PPIL2: variants seen among roughly 807,000 people sequenced by gnomAD.
PPIL2 encodes RING-type E3 ubiquitin-protein ligase PPIL2.
Under a neutral mutation model 75.2 loss-of-function variants are expected in PPIL2, and 50 were observed. That is an observed-to-expected ratio of 0.66 (90% CI 0.53 to 0.84). The LOEUF is 0.84. Among genes scored for constraint, PPIL2 ranks in the 40% least tolerant of loss-of-function variants. The probability of loss-of-function intolerance (pLI) is 0.00; values close to 1 mark genes in which losing one functional copy is unlikely to be tolerated. For missense variants in PPIL2, 590 were observed against 685.0 expected, an observed-to-expected ratio of 0.86 and a Z score of 1.55; for synonymous variants, 245 against 258.8, an observed-to-expected ratio of 0.95 and a Z score of 0.51.
At chr22:21,675,865 G>A (rs1055870341) in intron 6 of PPIL2, among the ~76,000 whole-genome samples, 1 of 152,252 alleles carries the variant, frequency 6.6e-6, no homozygotes, top group Non-Finnish European at 1.5e-5. Context: ...GCCCAGCCCA[G>A]TGCTGCGGCT....
At position 21,666,119 on chromosome 22, in the gene PPIL2, A is replaced by G; in HGVS notation, c.20A>G (p.Gln7Arg). 1 of 1,613,720 alleles carries G rather than the reference A, an allele frequency of 6.2e-7. No individual in the cohort carries two copies. The highest frequency in any genetic ancestry group is 8.5e-7 in the Non-Finnish European group (1 of 1,179,762). The change falls in exon 1 of 20, where the codon CAA (glutamine) becomes CGA (arginine). Residue 7 changes from glutamine (Q) to arginine (R), a missense_variant. Gln to Arg is a conservative substitution (Grantham distance 43). Transcript: ENST00000398831. MGKRQH[Q>R]KDKMYITCAE... ...TCCGCCATGGGGAAGCGACAGCACC[A>G]AAAGGACAAAATGTAAGTTGAGCCG...
intron 13 of PPIL2, 51 bp downstream of exon 13, chr22:21,687,783 G>T (rs751613895): frequency 1.3e-6 from 2 of 1,542,148 alleles, no homozygotes; most frequent in East Asian, 2.2e-5. Flanking sequence ...GGGACATCGG[G>T]GGCTGGGTGG....
In PPIL2 at chr22:21,686,877, G is replaced by A. The variant is rs370578110; in HGVS notation, c.791-15G>A. On this transcript the variant is annotated splice_polypyrimidine_tract_variant and intron_variant, in intron 11 of 19. Coordinates refer to ENST00000398831, the MANE Select transcript of PPIL2 (RefSeq NM_014337.4). ...AGGGTGAGGGCAGGGGCTGAGCTGGGACCTTGGCTTGTAGCTGCCATCGAC... is the reference window on the plus strand; with the variant it reads ...AGGGTGAGGGCAGGGGCTGAGCTGGAACCTTGGCTTGTAGCTGCCATCGAC... The A allele has an allele frequency of 5.3e-5, 85 of 1,613,306 alleles. No individual in the cohort carries two copies. In the Middle Eastern group the frequency reaches 1.8e-3, roughly 35 times the overall value.
chr22:21,682,264 G>A (rs915165446), intron 7 of PPIL2, among the ~76,000 whole-genome samples, 173 bp from the exon 8 acceptor site: 4 of 152,320 alleles, frequency 2.6e-5, no homozygotes, highest in Admixed American at 6.5e-5. Flanking sequence ...AGCCAGCTCC[G>A]CCTCTGTGGG....
chr22:21,680,363 C>T (rs2067059888), intron 6 of PPIL2, among the ~76,000 whole-genome samples: 1 of 152,038 alleles, frequency 6.6e-6, no homozygotes, highest in Non-Finnish European at 1.5e-5. Context: ...ACTGTCTCTA[C>T]TAAAAATACA....
intron 14 of PPIL2, 149 bp downstream of exon 14, chr22:21,688,255 C>G: frequency 9.6e-7 from 1 of 1,043,712 alleles, no homozygotes; most frequent in Non-Finnish European, 1.4e-6. Context: ...TGTGCCCCCT[C>G]AGGCCTGGCC....
rs1317830468 is a variant in PPIL2 at position 21,683,217 on chromosome 22, C to T, written c.513C>T (p.Asn171=). 6.2e-7 allele frequency: 1 copy of T among 1,613,744 alleles called. No individual in the cohort carries two copies. The highest frequency in any genetic ancestry group is 2.2e-5 in the East Asian group (1 of 44,888). Residue 171 remains asparagine, a synonymous_variant, in exon 9 of 20, where the codon AAC becomes AAT. Coordinates refer to ENST00000398831, the MANE Select transcript of PPIL2 (RefSeq NM_014337.4). ...ATTTGGACAAGTTCAATGTCTCTAACTTCTATCATGTGAAGAATAACATGA... is the reference window on the plus strand; with the variant it reads ...ATTTGGACAAGTTCAATGTCTCTAATTTCTATCATGTGAAGAATAACATGA... ...PTNLDKFNVS[N]FYHVKNNMKI...
intron 13 of PPIL2, 78 bp from the exon 14 acceptor site, chr22:21,687,995 A>G (rs912886499): frequency 5.2e-5 from 81 of 1,567,196 alleles, no homozygotes; most frequent in Admixed American, 1.3e-4. Context: ...ATCTGGCAGG[A>G]GGGGTGTCCT....
In PPIL2 at chr22:21,694,796, C is replaced by T. The variant is rs1270018902; in HGVS notation, c.1311C>T (p.Pro437=). Residue 437 remains proline (P), a synonymous_variant, in exon 18 of 20, where the codon CCC becomes CCT. Coordinates refer to ENST00000398831, the MANE Select transcript of PPIL2 (RefSeq NM_014337.4). ...RIDATTVFVD[P]YEEADAQIAQ... ...ATGCCACTACAGTGTTCGTGGACCC[C>T]TATGAGGAGGCCGATGCCCAGGTGA... 6.2e-7 allele frequency: 1 copy of T among 1,605,062 alleles called. No homozygotes were observed. The highest frequency in any genetic ancestry group is 1.7e-5 in the Admixed American group (1 of 59,544).
Position 21,697,121 on chromosome 22 carries a change from G to A in PPIL2, c.*1631G>A. 1.1e-6 allele frequency: 1 copy of A among 937,848 alleles called. No individual in the cohort carries two copies. Among genetic ancestry groups the A allele is most frequent in the Non-Finnish European group, 1.6e-6 (1 of 638,932 alleles). The allele number at this position is 937,848 out of a possible 1,614,324, so 58.1% of individuals were successfully genotyped here. A position where few individuals can be genotyped will look rare whatever the true frequency, so the allele number is the denominator to read the frequency against. On this transcript the variant is annotated 3_prime_UTR_variant, in exon 20 of 20. Transcript: ENST00000398831. ...CCAGGCACTGTCCTCCGCAAGGCCTGGTGCAGCCCTGGCAGTAACTGGCTT... is the reference window on the plus strand; with the variant it reads ...CCAGGCACTGTCCTCCGCAAGGCCTAGTGCAGCCCTGGCAGTAACTGGCTT...
chr22:21,694,889 G>C (rs1325066014), intron 18 of PPIL2, 48 bp from the exon 19 acceptor site: 1 of 1,603,082 alleles, frequency 6.2e-7, no homozygotes, highest in Admixed American at 1.7e-5. Flanking sequence ...CCTAGCATCT[G>C]TCCTGCCCGA....
intron 11 of PPIL2, 80 bp downstream of exon 11, chr22:21,686,638 T>C (rs1259074237): frequency 7.0e-7 from 1 of 1,423,132 alleles, no homozygotes; most frequent in African/African-American, 1.4e-5. Flanking sequence ...GACTCCCACT[T>C]TATTGGTCTG....
chr22:21,684,218 C>T (rs952677696), intron 9 of PPIL2, among the ~76,000 whole-genome samples: 7 of 142,454 alleles, frequency 4.9e-5, no homozygotes, highest in Admixed American at 2.8e-4. Flanking sequence ...AAAGGCTGGG[C>T]GCGGTGGGTC....
Position 21,695,824 on chromosome 22 carries a change from T to C in PPIL2, c.*334T>C. On this transcript the variant is annotated 3_prime_UTR_variant, in exon 20 of 20. Transcript: ENST00000398831. ...AGTGAGGAAGGACTGTGTCTCCAGA[T>C]TGTGGTTTCCTCTTTAAGACAGGGT... 7 of 1,173,062 alleles carry C rather than the reference T, an allele frequency of 6.0e-6. No homozygotes were observed. The South Asian group carries it at 7.4e-5, about 12-fold the overall frequency. 72.7% of individuals were successfully genotyped at this position (1,173,062 alleles called of 1,614,324 possible).
At chr22:21,685,388 T>A (rs2067314322) in intron 10 of PPIL2, among the ~76,000 whole-genome samples, 2 of 152,118 alleles carry the variant, frequency 1.3e-5, no homozygotes, top group East Asian at 3.9e-4. Flanking sequence ...ATGGCATGCC[T>A]GGGACTGCAC....
At position 21,666,093 on chromosome 22, in the gene PPIL2, C is replaced by G. The variant is rs376421407; in HGVS notation, c.-7C>G. The G allele has an allele frequency of 6.2e-7, 1 of 1,613,142 alleles. No homozygotes were observed. Among genetic ancestry groups the G allele is most frequent in the South Asian group, 1.1e-5 (1 of 91,014 alleles). ...TCGTGCTCGCTAGTCGCCGCCGCCG[C>G]TCCGCCATGGGGAAGCGACAGCACC... On this transcript the variant is annotated 5_prime_UTR_variant, in exon 1 of 20. Coordinates refer to ENST00000398831, the MANE Select transcript of PPIL2 (RefSeq NM_014337.4).
At chr22:21,678,957 C>T (rs1320192618) in intron 6 of PPIL2, among the ~76,000 whole-genome samples, 2 of 147,160 alleles carry the variant, frequency 1.4e-5, no homozygotes, top group Non-Finnish European at 3.0e-5. Flanking sequence ...AGTGCAATGG[C>T]GTGATCTCGG....
chr22:21,670,873 G>A lies in PPIL2; in HGVS notation c.129-124G>A, dbSNP rs1487781395. ...GAGAAGGTTGGTGAGAGAGGGAGGTGGCCAGGCTGCCCAGAGAGGGCTCCC... is the reference window on the plus strand; with the variant it reads ...GAGAAGGTTGGTGAGAGAGGGAGGTAGCCAGGCTGCCCAGAGAGGGCTCCC... On this transcript the variant is annotated intron_variant, in intron 3 of 19. Coordinates refer to ENST00000398831, the MANE Select transcript of PPIL2 (RefSeq NM_014337.4). The A allele has an allele frequency of 4.0e-6, 4 of 999,750 alleles. No homozygotes were observed. The East Asian group carries it at 9.5e-5, about 24-fold the overall frequency. The allele number at this position is 999,750 out of a possible 1,614,324, so 61.9% of individuals were successfully genotyped here.
intron 6 of PPIL2, among the ~76,000 whole-genome samples, chr22:21,678,849 C>T (rs2066984105): frequency 1.3e-5 from 2 of 151,512 alleles, no homozygotes; most frequent in Admixed American, 6.6e-5. Context: ...ACCTCAGTCT[C>T]CCAAGTAGAT....
Sources: allele counts gnomAD v4.1 joint callset (sites outside exome capture counted in the v4.1 genomes callset), GRCh38; gene constraint gnomAD v4.1.1; transcripts MANE v1.5; gene names NCBI Gene and HGNC (gene_info 2026-07-23, HGNC 2026-07-21).